PARD3B: variants seen among roughly 807,000 people sequenced by gnomAD.
The protein encoded by PARD3B is partitioning defective 3 homolog B.
A neutral mutation model predicts 130.2 loss-of-function variants in PARD3B; 103 were observed. That is an observed-to-expected ratio of 0.79 (90% CI 0.67 to 0.93). The LOEUF is 0.93. PARD3B is among the 40% of genes least tolerant of loss of function. The pLI, the probability that PARD3B is intolerant of heterozygous loss-of-function variation, is 0.00. For missense variants in PARD3B, 1,609 were observed against 1,499.2 expected (o/e 1.07, Z -1.21); for synonymous variants, 583 against 553.2 (o/e 1.05, Z -0.76).
At chr2:205,254,007 GA>G (rs1488584316) in intron 16 of PARD3B, among the ~76,000 whole-genome samples, 3 of 147,340 alleles carry the variant, frequency 2.0e-5, no homozygotes, top group Non-Finnish European at 4.5e-5. Context: ...CAAGGTAGAA[GA>G]GTCTAGGATA....
At chr2:205,304,612 G>A (rs1487509005) in intron 18 of PARD3B, among the ~76,000 whole-genome samples, 2 of 140,020 alleles carry the variant, frequency 1.4e-5, no homozygotes, top group African/African-American at 5.2e-5. Flanking sequence ...TCCCGCCTGG[G>A]CAACAAGAGC....
intron 3 of PARD3B, among the ~76,000 whole-genome samples, chr2:205,043,979 C>T (rs1306632614): frequency 2.7e-5 from 4 of 147,460 alleles, no homozygotes; most frequent in Non-Finnish European, 6.0e-5. Flanking sequence ...ACCACAGTCC[C>T]CAGAGTGTGA....
chr2:205,043,896 G>C (rs2125403170), intron 3 of PARD3B, among the ~76,000 whole-genome samples: 1 of 151,552 alleles, frequency 6.6e-6, no homozygotes, highest in Non-Finnish European at 1.5e-5. Flanking sequence ...ATGCTGGAGT[G>C]CTGCACCCAC....
intron 2 of PARD3B, among the ~76,000 whole-genome samples, chr2:204,905,353 G>T (rs1183302851): frequency 6.6e-6 from 1 of 152,174 alleles, no homozygotes; most frequent in African/African-American, 2.4e-5. Flanking sequence ...GAGAACCAGA[G>T]AGCAGGGCTT....
chr2:204,749,993 G>A (rs1051490550), intron 2 of PARD3B, among the ~76,000 whole-genome samples: 5 of 151,994 alleles, frequency 3.3e-5, no homozygotes, highest in South Asian at 4.1e-4. Flanking sequence ...CATCTCTCTT[G>A]TCTCTAATTG....
At position 205,253,203 on chromosome 2, in the gene PARD3B, C is replaced by T. The variant is rs1256770433; in HGVS notation, c.2185+7381C>T. 1 of 404,182 alleles carries T rather than the reference C, an allele frequency of 2.5e-6. No homozygotes were observed. The highest frequency in any genetic ancestry group is 2.1e-5 in the African/African-American group (1 of 48,738). The allele number at this position is 404,182 out of a possible 1,614,324, so 25.0% of individuals were successfully genotyped here. On this transcript the variant is annotated intron_variant, in intron 16 of 22. Coordinates refer to ENST00000406610, the MANE Select transcript of PARD3B (RefSeq NM_001302769.2). The surrounding 1 kb of genome is among the most constrained non-coding windows in gnomAD (Gnocchi z 4.4). ...GGACCAGCTTTTCTGCAGGTGTTGACCAGCAATTTCCTGCGGCATTTACTT... is the reference window on the plus strand; with the variant it reads ...GGACCAGCTTTTCTGCAGGTGTTGATCAGCAATTTCCTGCGGCATTTACTT...
At chr2:204,740,363 T>G (rs2039958471) in intron 2 of PARD3B, among the ~76,000 whole-genome samples, 1 of 152,166 alleles carries the variant, frequency 6.6e-6, no homozygotes, top group Non-Finnish European at 1.5e-5. Flanking sequence ...ATTTTCTGAT[T>G]GCTCTGTATG....
chr2:205,534,994 C>G (rs190555952), intron 21 of PARD3B, among the ~76,000 whole-genome samples: 2 of 152,104 alleles, frequency 1.3e-5, no homozygotes, highest in South Asian at 2.1e-4. Context: ...TGTTCAAAAT[C>G]GGGACACATG....
At chr2:205,381,527 C>A (rs1396606578) in intron 18 of PARD3B, among the ~76,000 whole-genome samples, 1 of 151,742 alleles carries the variant, frequency 6.6e-6, no homozygotes, top group African/African-American at 2.4e-5. Context: ...AATTTGTCTC[C>A]TCTAGTTTTA....
At chr2:204,766,965 CTT>C (rs68009060) in intron 2 of PARD3B, among the ~76,000 whole-genome samples, 149 of 114,486 alleles carry the variant, frequency 1.3e-3, no homozygotes, top group Admixed American at 4.3e-3. Flanking sequence ...TTTTCTTTTT[CTT>C]TTTTTTTTTT....
intron 2 of PARD3B, among the ~76,000 whole-genome samples, chr2:204,761,322 G>A (rs1471252228): frequency 6.6e-6 from 1 of 152,168 alleles, no homozygotes; most frequent in African/African-American, 2.4e-5. Flanking sequence ...TATGATCCTT[G>A]TTAGAATACA....
rs956458158 is a variant in PARD3B at position 205,288,279 on chromosome 2, C to T, written c.2186-12251C>T. 5.9e-5 allele frequency among the ~76,000 whole-genome samples: 9 copies of T among 151,916 alleles called. No homozygotes were observed. Among genetic ancestry groups the T allele is most frequent in the African/African-American group, 1.7e-4 (7 of 41,346 alleles). ...TATGTTCCTGCACCCTATCCCTCCT[C>T]GTCAGAGAAAAACCTGGGGAAAATA... On this transcript the variant is annotated intron_variant, in intron 16 of 22. Coordinates refer to ENST00000406610, the MANE Select transcript of PARD3B (RefSeq NM_001302769.2). The surrounding 1 kb of genome is among the most constrained non-coding windows in gnomAD (Gnocchi z 4.0).
At chr2:204,716,610 A>C (rs1427192493) in intron 2 of PARD3B, among the ~76,000 whole-genome samples, 1 of 136,676 alleles carries the variant, frequency 7.3e-6, no homozygotes, top group Non-Finnish European at 1.6e-5. Flanking sequence ...AGTAATGGCA[A>C]AAACAGCAAC....
chr2:205,200,871 T>C (rs1285999479), intron 15 of PARD3B, among the ~76,000 whole-genome samples: 1 of 152,144 alleles, frequency 6.6e-6, no homozygotes, highest in Non-Finnish European at 1.5e-5. Flanking sequence ...AAAGATTAAT[T>C]GTATAAGTGT....
chr2:205,390,300 GA>G (rs1188607669), intron 18 of PARD3B, among the ~76,000 whole-genome samples: 247 of 140,078 alleles, frequency 1.8e-3, no homozygotes, highest in Middle Eastern at 7.6e-3. Context: ...AGAAGAATAT[GA>G]AAAAAAAAAA....
At position 204,929,872 on chromosome 2, in the gene PARD3B, G is replaced by A. The variant is rs559939448; in HGVS notation, c.223-35280G>A. Among the ~76,000 whole-genome samples, 5 of 151,898 alleles carry A rather than the reference G, an allele frequency of 3.3e-5. No individual in the cohort carries two copies. The South Asian group carries it at 8.3e-4, about 25-fold the overall frequency. ...CTGAATCCAACTGTATTTCTATTCCGTAACAGTTTGCAGGAAGATACTAAC... is the reference window on the plus strand; with the variant it reads ...CTGAATCCAACTGTATTTCTATTCCATAACAGTTTGCAGGAAGATACTAAC... On this transcript the variant is annotated intron_variant, in intron 2 of 22. Transcript: ENST00000406610.
At chr2:204,919,824 A>G (rs1191086153) in intron 2 of PARD3B, among the ~76,000 whole-genome samples, 1 of 152,156 alleles carries the variant, frequency 6.6e-6, no homozygotes, top group Non-Finnish European at 1.5e-5. Context: ...TTCTAGAAAC[A>G]CTGTGTATAT....
At chr2:204,821,986 T>C (rs756408982) in intron 2 of PARD3B, among the ~76,000 whole-genome samples, 2 of 152,238 alleles carry the variant, frequency 1.3e-5, no homozygotes, top group Non-Finnish European at 2.9e-5. Flanking sequence ...CTTTCAAGTC[T>C]TATTATTTGG....
At chr2:204,773,872 C>A (rs888781432) in intron 2 of PARD3B, among the ~76,000 whole-genome samples, 4 of 152,030 alleles carry the variant, frequency 2.6e-5, no homozygotes, top group Admixed American at 1.3e-4. Context: ...CTACATTTTG[C>A]TCAGAACCAT....
Sources: allele counts gnomAD v4.1 joint callset (sites outside exome capture counted in the v4.1 genomes callset), GRCh38; gene constraint gnomAD v4.1.1; non-coding constraint Gnocchi (gnomAD v3.1); transcripts MANE v1.5; gene names NCBI Gene and HGNC (gene_info 2026-07-23, HGNC 2026-07-21).